The following HMCN1 variants were observed in gnomAD, a reference collection of about 807,000 sequenced individuals.
HMCN1 encodes the protein hemicentin 1.
A neutral mutation model predicts 625.9 loss-of-function variants in HMCN1; 321 were observed. That is an observed-to-expected ratio of 0.51 (90% CI 0.47 to 0.56). HMCN1 has a LOEUF of 0.56. HMCN1 is among the 20% of genes least tolerant of loss of function. The pLI, the probability that HMCN1 is intolerant of heterozygous loss-of-function variation, is 0.00. For synonymous variants in HMCN1, 2,425 were observed against 2,417.6 expected (o/e 1.00, Z -0.09); for missense variants, 6,588 against 6,887.3 (o/e 0.96, Z 1.54).
At chr1:185,737,627 G>A (rs1653683141) in intron 1 of HMCN1, among the ~76,000 whole-genome samples, 1 of 152,152 alleles carries the variant, frequency 6.6e-6, no homozygotes, top group Admixed American at 6.5e-5. Context: ...TTTTCATAGT[G>A]CCTAACACAT....
rs1202369798 is a variant in HMCN1 at position 186,006,705 on chromosome 1, A to T, written c.4476-423A>T. On this transcript the variant is annotated intron_variant, in intron 29 of 106. Coordinates refer to ENST00000271588, the MANE Select transcript of HMCN1 (RefSeq NM_031935.3). ...TCTAGATATTATAATGATATTATTT[A>T]AAAATAATATTATTTGGTCCAAAAT... Among the ~76,000 whole-genome samples the T allele has an allele frequency of 3.3e-5, 5 of 151,676 alleles. 1 individual carries two copies. The highest frequency in any genetic ancestry group is 4.1e-4 in the South Asian group (2 of 4,822).
chr1:186,183,753 T>C (rs1653097351), intron 105 of HMCN1, among the ~76,000 whole-genome samples: 1 of 152,150 alleles, frequency 6.6e-6, no homozygotes, highest in Admixed American at 6.5e-5. Context: ...CTCAGATCTA[T>C]ATGTCTAGAA....
intron 75 of HMCN1, among the ~76,000 whole-genome samples, chr1:186,116,466 T>G (rs1661139199): frequency 6.6e-6 from 1 of 151,464 alleles, no homozygotes; most frequent in African/African-American, 2.4e-5. Flanking sequence ...TGCCATATTA[T>G]CTACAAGGTA....
At chr1:185,866,524 C>T (rs1165231030) in intron 4 of HMCN1, among the ~76,000 whole-genome samples, 2 of 151,318 alleles carry the variant, frequency 1.3e-5, no homozygotes, top group Non-Finnish European at 2.9e-5. Context: ...CCTGCCTCAG[C>T]CTCCCGAGTA....
At chr1:185,998,217 C>A (rs1197563952) in intron 25 of HMCN1, among the ~76,000 whole-genome samples, 3 of 152,048 alleles carry the variant, frequency 2.0e-5, no homozygotes, top group South Asian at 2.1e-4. Flanking sequence ...TGAGTTCTGG[C>A]AAAGTCCAAG....
At chr1:185,937,515 C>T (rs554849428) in intron 11 of HMCN1, among the ~76,000 whole-genome samples, 1 of 152,160 alleles carries the variant, frequency 6.6e-6, no homozygotes, top group Non-Finnish European at 1.5e-5. Context: ...ATTAAGTTTT[C>T]AGCACACAAA....
chr1:185,961,724 G>A (rs889714363), intron 11 of HMCN1, among the ~76,000 whole-genome samples: 2 of 152,040 alleles, frequency 1.3e-5, no homozygotes, highest in Non-Finnish European at 2.9e-5. Context: ...TTTTCTTTTT[G>A]ATGATAAATT....
At chr1:186,148,905 G>A (rs1385844106) in intron 93 of HMCN1, among the ~76,000 whole-genome samples, 1 of 151,208 alleles carries the variant, frequency 6.6e-6, no homozygotes, top group Non-Finnish European at 1.5e-5. Context: ...ACATTCACAT[G>A]TCAGTGGGCA....
chr1:186,095,104 CTTAG>C lies in HMCN1; in HGVS notation c.10295-135_10295-132del. 1.0e-5 allele frequency: 8 copies of C among 795,312 alleles called. No homozygotes were observed. In the South Asian group the frequency reaches 1.3e-4, roughly 13 times the overall value. The allele number at this position is 795,312 out of a possible 1,614,324, so 49.3% of individuals were successfully genotyped here. A position where few individuals can be genotyped will look rare whatever the true frequency, so the allele number is the denominator to read the frequency against. ...TAATAGATATTTTTATTGTAAAGTC[CTTAG>C]TTATTATACACAATTTTAAAGTATA... On this transcript the variant is annotated intron_variant, in intron 67 of 106. Transcript: ENST00000271588.
At chr1:185,894,160 AAAAC>A (rs1237081540) in intron 4 of HMCN1, among the ~76,000 whole-genome samples, 1 of 143,124 alleles carries the variant, frequency 7.0e-6, no homozygotes, top group South Asian at 2.1e-4. Flanking sequence ...AAAAACAAAA[AAAAC>A]AAAACAAAAA....
At chr1:186,050,168 A>G (rs1379976500) in intron 42 of HMCN1, among the ~76,000 whole-genome samples, 2 of 151,630 alleles carry the variant, frequency 1.3e-5, no homozygotes, top group Non-Finnish European at 2.9e-5. Context: ...AAAGATGAGA[A>G]AAAAAAGAGA....
At chr1:186,039,660 A>G in intron 38 of HMCN1, 68 bp from the exon 39 acceptor site, 1 of 1,478,994 alleles carries the variant, frequency 6.8e-7, no homozygotes, top group Non-Finnish European at 9.5e-7. Flanking sequence ...CATTAGATGT[A>G]GTTTTCATCA....
chr1:185,834,065 A>G (rs1490039591), intron 1 of HMCN1, among the ~76,000 whole-genome samples: 4 of 152,190 alleles, frequency 2.6e-5, no homozygotes, highest in Non-Finnish European at 5.9e-5. Context: ...GTCTCTTTCT[A>G]TAACTCCACT....
In HMCN1 at chr1:185,739,266, C is replaced by T. The variant is rs182791466; in HGVS notation, c.268+4219C>T. ...ACCACAATTTCTTTGTCTAGTCCAT[C>T]GTTGATGGGCATCTAGGTTGATTCC... On this transcript the variant is annotated intron_variant, in intron 1 of 106. Coordinates refer to ENST00000271588, the MANE Select transcript of HMCN1 (RefSeq NM_031935.3). 7.9e-5 allele frequency among the ~76,000 whole-genome samples: 12 copies of T among 152,296 alleles called. No individual in the cohort carries two copies. In the East Asian group the frequency reaches 2.1e-3, roughly 27 times the overall value.
Position 185,756,561 on chromosome 1 carries a change from T to C in HMCN1, c.268+21514T>C, listed in dbSNP as rs981509682. On this transcript the variant is annotated intron_variant, in intron 1 of 106. Transcript: ENST00000271588. ...AAATTGTAGTGAAGATTAAATGATG[T>C]AATAGAAGTTGACATAGCAAGTGAC... 5.3e-5 allele frequency among the ~76,000 whole-genome samples: 8 copies of C among 152,150 alleles called. No homozygotes were observed. In the South Asian group the frequency reaches 1.7e-3, roughly 32 times the overall value.
At chr1:186,119,158 A>G in intron 77 of HMCN1, 33 bp from the exon 78 acceptor site, 1 of 1,463,394 alleles carries the variant, frequency 6.8e-7, no homozygotes, top group East Asian at 2.3e-5. Context: ...ACTGAGATGC[A>G]GTATATATTA....
At chr1:185,962,028 A>G (rs988456587) in intron 11 of HMCN1, among the ~76,000 whole-genome samples, 2 of 152,222 alleles carry the variant, frequency 1.3e-5, no homozygotes, top group African/African-American at 4.8e-5. Context: ...CGAATATGGA[A>G]TAATATGAGT....
At chr1:185,941,656 G>A (rs1668088388) in intron 11 of HMCN1, among the ~76,000 whole-genome samples, 1 of 152,112 alleles carries the variant, frequency 6.6e-6, no homozygotes, top group South Asian at 2.1e-4. Flanking sequence ...TGTCTCCATG[G>A]TTAGAGGCAA....
At chr1:185,965,310 T>C (rs1214097330) in intron 13 of HMCN1, among the ~76,000 whole-genome samples, 1 of 152,112 alleles carries the variant, frequency 6.6e-6, no homozygotes, top group Non-Finnish European at 1.5e-5. Context: ...TAGTTAGACA[T>C]GAATATCCTT....
Sources: allele counts gnomAD v4.1 joint callset (sites outside exome capture counted in the v4.1 genomes callset), GRCh38; gene constraint gnomAD v4.1.1; transcripts MANE v1.5; gene names NCBI Gene and HGNC (gene_info 2026-07-23, HGNC 2026-07-21).